The following CADPS2 variants were observed in gnomAD, a reference collection of about 807,000 sequenced individuals.
CADPS2 encodes calcium dependent secretion activator 2, also known as calcium-dependent secretion activator 2.
In CADPS2, 93 loss-of-function variants were observed where a neutral mutation model predicts 172.5. The observed-to-expected ratio is 0.54, with a 90% CI of 0.46 to 0.64. CADPS2 has a LOEUF of 0.64. Ranked by LOEUF, CADPS2 falls within the 30% of genes least tolerant of loss-of-function variation. The pLI, the probability that CADPS2 is intolerant of heterozygous loss-of-function variation, is 0.00. For missense variants in CADPS2, 1,420 were observed against 1,565.9 expected, an observed-to-expected ratio of 0.91 and a Z score of 1.57; for synonymous variants, 546 against 555.2, an observed-to-expected ratio of 0.98 and a Z score of 0.23.
chr7:122,486,356 G>A (rs2057815013), intron 11 of CADPS2, among the ~76,000 whole-genome samples: 1 of 152,154 alleles, frequency 6.6e-6, no homozygotes, highest in African/African-American at 2.4e-5. Flanking sequence ...ATTTACAGGA[G>A]TTTGGAGGAA....
chr7:122,600,515 A>G (rs926371881), intron 6 of CADPS2, among the ~76,000 whole-genome samples: 3 of 152,152 alleles, frequency 2.0e-5, no homozygotes, highest in Admixed American at 1.3e-4. Flanking sequence ...TTAAGTCCAC[A>G]AACTTGCTCT....
intron 1 of CADPS2, among the ~76,000 whole-genome samples, chr7:122,819,065 A>G (rs1363391521): frequency 1.3e-5 from 2 of 152,212 alleles, no homozygotes; most frequent in Non-Finnish European, 2.9e-5. Flanking sequence ...AATAGAAAAA[A>G]GTTGCAATTC....
intron 9 of CADPS2, among the ~76,000 whole-genome samples, chr7:122,505,945 T>C (rs895823425): frequency 4.6e-5 from 7 of 152,230 alleles, no homozygotes; most frequent in African/African-American, 1.4e-4. Flanking sequence ...CAGGTGTTCC[T>C]GAATAGTACT....
intron 1 of CADPS2, among the ~76,000 whole-genome samples, chr7:122,775,871 A>G (rs373615148): frequency 3.9e-5 from 6 of 152,240 alleles, no homozygotes; most frequent in African/African-American, 1.4e-4. Context: ...TTTAATCATA[A>G]GTTCTGCTAG....
chr7:122,652,791 T>C (rs1434645910), intron 3 of CADPS2, among the ~76,000 whole-genome samples: 1 of 152,194 alleles, frequency 6.6e-6, no homozygotes, highest in Admixed American at 6.5e-5. Context: ...ATCTAGGTGC[T>C]ACTTACATTG....
intron 8 of CADPS2, among the ~76,000 whole-genome samples, chr7:122,522,143 C>A (rs1173997508): frequency 6.6e-6 from 1 of 151,994 alleles, no homozygotes; most frequent in Non-Finnish European, 1.5e-5. Flanking sequence ...GAGACAGAGT[C>A]TCACTCTGTT....
At chr7:122,614,082 G>A (rs1292375525) in intron 6 of CADPS2, among the ~76,000 whole-genome samples, 1 of 151,970 alleles carries the variant, frequency 6.6e-6, no homozygotes, top group Non-Finnish European at 1.5e-5. Context: ...AAGCAGACGG[G>A]AAAGCAAGTG....
At chr7:122,540,302 T>G (rs2131571456) in intron 8 of CADPS2, among the ~76,000 whole-genome samples, 1 of 152,244 alleles carries the variant, frequency 6.6e-6, no homozygotes, top group South Asian at 2.1e-4. Flanking sequence ...GGACTTTAAC[T>G]TAGTATTATA....
chr7:122,475,945 A>G (rs1563444469), intron 12 of CADPS2, among the ~76,000 whole-genome samples: 1 of 152,216 alleles, frequency 6.6e-6, no homozygotes, highest in Non-Finnish European at 1.5e-5. Flanking sequence ...ATGAACACAA[A>G]ACAGCTTTTC....
At chr7:122,609,562 G>T (rs940795155) in intron 6 of CADPS2, among the ~76,000 whole-genome samples, 1 of 152,058 alleles carries the variant, frequency 6.6e-6, no homozygotes, top group Non-Finnish European at 1.5e-5. Context: ...AAATTAAAAT[G>T]AAACTTTCAC....
At chr7:122,508,622 A>ACCTAT (rs2059801511) in intron 9 of CADPS2, among the ~76,000 whole-genome samples, 1 of 151,648 alleles carries the variant, frequency 6.6e-6, no homozygotes, top group South Asian at 2.1e-4. Flanking sequence ...GAGCCATGGC[A>ACCTAT]CCTAGCCTTA....
chr7:122,458,728 A>C (rs17144467), intron 14 of CADPS2, among the ~76,000 whole-genome samples: 41,807 of 151,974 alleles, frequency 0.28, 6,165 homozygotes, highest in East Asian at 0.38. Context: ...GTGCTGGTGA[A>C]TAGGCCAAGG....
Position 122,474,315 on chromosome 7 carries a change from C to G in CADPS2, c.1998+66G>C, listed in dbSNP as rs1435534170. The G allele has an allele frequency of 1.5e-5, 22 of 1,480,570 alleles. No homozygotes were observed. In the East Asian group the frequency reaches 3.7e-4, roughly 25 times the overall value. 91.7% of individuals were successfully genotyped at this position (1,480,570 alleles called of 1,614,324 possible). ...TTCTCACTTTCTAAAATCTTTTATTCCAACTTATAGGGGATCTAAAATCTT... is the reference window on the plus strand; with the variant it reads ...TTCTCACTTTCTAAAATCTTTTATTGCAACTTATAGGGGATCTAAAATCTT... On this transcript the variant is annotated intron_variant, in intron 13 of 29. Coordinates refer to ENST00000449022, the MANE Select transcript of CADPS2 (RefSeq NM_017954.11).
At chr7:122,686,066 T>C (rs1044143201) in intron 2 of CADPS2, among the ~76,000 whole-genome samples, 1 of 152,226 alleles carries the variant, frequency 6.6e-6, no homozygotes, top group Admixed American at 6.5e-5. Context: ...TGTGGTCCAC[T>C]TTTTTAGTAT....
intron 7 of CADPS2, among the ~76,000 whole-genome samples, chr7:122,576,530 G>C (rs2068058128): frequency 6.6e-6 from 1 of 152,130 alleles, no homozygotes; most frequent in East Asian, 1.9e-4. Context: ...GTTCATGTTA[G>C]TGTGCATACA....
At chr7:122,462,269 C>T (rs536592447) in intron 14 of CADPS2, among the ~76,000 whole-genome samples, 1 of 151,904 alleles carries the variant, frequency 6.6e-6, no homozygotes, top group South Asian at 2.1e-4. Flanking sequence ...CTCTGAACTA[C>T]CTAGGAGGAG....
intron 8 of CADPS2, among the ~76,000 whole-genome samples, chr7:122,538,048 C>T (rs13247461): frequency 0.3 from 45,647 of 151,172 alleles, 7,261 homozygotes; most frequent in East Asian, 0.4. Context: ...AAAAATACCT[C>T]CCCTTACCTC....
intron 13 of CADPS2, among the ~76,000 whole-genome samples, chr7:122,472,084 T>C (rs1286433640): frequency 3.3e-5 from 5 of 152,236 alleles, no homozygotes; most frequent in African/African-American, 1.2e-4. Context: ...GTTAATGCTT[T>C]ATATTAGCAG....
intron 16 of CADPS2, among the ~76,000 whole-genome samples, chr7:122,441,050 T>A (rs2051284167): frequency 6.6e-6 from 1 of 152,160 alleles, no homozygotes; most frequent in Admixed American, 6.6e-5. Flanking sequence ...TACACTGGAA[T>A]AATTGAAAGA....
Sources: gnomAD v4.1 joint callset for allele counts (sites outside exome capture counted in the v4.1 genomes callset) on GRCh38, gnomAD v4.1.1 for gene constraint, MANE v1.5 for transcripts, NCBI Gene and HGNC (gene_info 2026-07-23, HGNC 2026-07-21) for gene names.